Variants in MCM6 observed in about 807,000 individuals in gnomAD.
The protein encoded by MCM6 is DNA replication licensing factor MCM6.
In MCM6, 46 loss-of-function variants were observed where a neutral mutation model predicts 94.3. That is an observed-to-expected ratio of 0.49 (90% confidence interval 0.39 to 0.62). The LOEUF (loss-of-function observed/expected upper bound fraction) is 0.62. Ranked by LOEUF, MCM6 falls within the 20% of genes least tolerant of loss-of-function variation. The pLI is 0.00. For synonymous variants in MCM6, 335 were observed against 351.9 expected (o/e 0.95, Z 0.54); for missense variants, 865 against 1,017.9 (o/e 0.85, Z 2.04).
chr2:135,844,020 G>A (rs1464277329), intron 16 of MCM6, among the ~76,000 whole-genome samples: 1 of 151,740 alleles, frequency 6.6e-6, no homozygotes, highest in Non-Finnish European at 1.5e-5. Flanking sequence ...GAGACAGTAA[G>A]AACTGTCCAC....
At chr2:135,849,658 G>A (rs1053759436) in intron 13 of MCM6, among the ~76,000 whole-genome samples, 2 of 152,164 alleles carry the variant, frequency 1.3e-5, no homozygotes, top group African/African-American at 4.8e-5. Flanking sequence ...ACCAATGTAA[G>A]AGGAGCTGAT....
At chr2:135,843,475 G>A (rs909136258) in intron 16 of MCM6, among the ~76,000 whole-genome samples, 1 of 152,110 alleles carries the variant, frequency 6.6e-6, no homozygotes. Flanking sequence ...GCTCACGCCT[G>A]TAATCCCAGC....
In MCM6 at chr2:135,865,176, A is replaced by T. The variant is rs1450568969; in HGVS notation, c.928-13T>A. 2 of 1,466,860 alleles carry T rather than the reference A, an allele frequency of 1.4e-6. No homozygotes were observed. The highest frequency in any genetic ancestry group is 1.8e-6 in the Non-Finnish European group (2 of 1,107,812). The allele number at this position is 1,466,860 out of a possible 1,614,324, so 90.9% of individuals were successfully genotyped here. ...CTTTCCCCCCAAACTAATGGTAGAG[A>T]ACAAAGGAAGAATCATTAGTATAGA... On this transcript the variant is annotated splice_polypyrimidine_tract_variant and intron_variant, in intron 6 of 16. Coordinates refer to ENST00000264156, the MANE Select transcript of MCM6 (RefSeq NM_005915.6).
intron 13 of MCM6, among the ~76,000 whole-genome samples, chr2:135,850,438 C>T (rs117752672): frequency 3.9e-5 from 6 of 152,164 alleles, no homozygotes; most frequent in East Asian, 3.9e-4. Context: ...ATACATGTCT[C>T]GTTCCCACCA....
intron 9 of MCM6, 56 bp downstream of exon 9, chr2:135,859,245 T>G: frequency 1.4e-6 from 2 of 1,426,214 alleles, no homozygotes; most frequent in Non-Finnish European, 1.9e-6. Flanking sequence ...AGGCCTTTAC[T>G]GATAGGGTAG....
intron 16 of MCM6, 140 bp from the exon 17 acceptor site, chr2:135,841,091 C>T (rs750199101): frequency 5.9e-5 from 39 of 657,382 alleles, no homozygotes; most frequent in Non-Finnish European, 1.0e-4. Context: ...AGGAAAAGGA[C>T]CACACTTTAA....
intron 9 of MCM6, 63 bp downstream of exon 9, chr2:135,859,238 C>G: frequency 1.5e-6 from 2 of 1,315,712 alleles, no homozygotes; most frequent in Non-Finnish European, 1.1e-6. Flanking sequence ...AACTTATAGG[C>G]CTTTACTGAT....
chr2:135,858,173 C>CA (rs1476558668), intron 9 of MCM6, among the ~76,000 whole-genome samples, 169 bp from the exon 10 acceptor site: 21 of 152,046 alleles, frequency 1.4e-4, no homozygotes, highest in African/African-American at 5.1e-4. Context: ...GGTTAGGTGA[C>CA]AGAGTGAGAC....
Position 135,848,052 on chromosome 2 carries a change from C to A in MCM6, c.2053+1G>T. 1 of 1,606,588 alleles carries A rather than the reference C, an allele frequency of 6.2e-7. No homozygotes were observed. Among genetic ancestry groups the A allele is most frequent in the Non-Finnish European group, 8.5e-7 (1 of 1,174,166 alleles). On this transcript the variant is annotated splice_donor_variant, in intron 14 of 16. Transcript: ENST00000264156. LOFTEE classifies it high-confidence loss of function. ...AACAGTCACATGAACAAGTATCTCA[C>A]CATTGATGCCACCAGCACCCTCATC...
chr2:135,861,303 T>G (rs1679988719), intron 8 of MCM6, among the ~76,000 whole-genome samples: 1 of 152,072 alleles, frequency 6.6e-6, no homozygotes, highest in South Asian at 2.1e-4. Flanking sequence ...CGGTGTCACC[T>G]TTCACCTACA....
rs1389634262 is a variant in MCM6, at chr2:135,840,770, C to A, written c.*65G>T. ...ACTTCTGTCCCTAGCAGAGCTCCAG[C>A]CAGGCTCCAGGCCACGAGGTGCTGT... is the stretch of plus-strand genomic sequence containing the variant. On this transcript the variant is annotated 3_prime_UTR_variant, in exon 17 of 17. Coordinates refer to ENST00000264156, the MANE Select transcript of MCM6 (RefSeq NM_005915.6). 10 of 1,114,572 alleles carry A rather than the reference C, an allele frequency of 9.0e-6. No homozygotes were observed. The highest frequency in any genetic ancestry group is 1.4e-5 in the Non-Finnish European group (10 of 729,370). 69.0% of individuals were successfully genotyped at this position (1,114,572 alleles called of 1,614,324 possible). A position where few individuals can be genotyped will look rare whatever the true frequency, so the allele number is the denominator to read the frequency against.
chr2:135,844,954 A>G (rs556409455), intron 15 of MCM6, among the ~76,000 whole-genome samples: 2 of 152,344 alleles, frequency 1.3e-5, no homozygotes, highest in Middle Eastern at 6.8e-3. Flanking sequence ...TAAAGCTATT[A>G]AGATTTCAAA....
chr2:135,875,893 C>T (rs533250729), intron 1 of MCM6, among the ~76,000 whole-genome samples: 1 of 152,362 alleles, frequency 6.6e-6, no homozygotes, highest in East Asian at 1.9e-4. Context: ...GCCTCCCACT[C>T]GACCTGGCCG....
chr2:135,871,836 T>C (rs1381403290), intron 2 of MCM6, among the ~76,000 whole-genome samples: 1 of 152,220 alleles, frequency 6.6e-6, no homozygotes, highest in Non-Finnish European at 1.5e-5. Flanking sequence ...TGGAACTCTG[T>C]TGTAGCAGAT....
intron 1 of MCM6, among the ~76,000 whole-genome samples, chr2:135,873,723 T>C (rs955952700): frequency 6.6e-5 from 10 of 152,228 alleles, no homozygotes; most frequent in African/African-American, 2.4e-4. Flanking sequence ...TAACTAACAC[T>C]TTGTCTGCGT....
chr2:135,852,668 T>C, intron 12 of MCM6, 119 bp downstream of exon 12: 1 of 715,294 alleles, frequency 1.4e-6, no homozygotes, highest in Non-Finnish European at 2.0e-6. Context: ...AAAAAAAAGT[T>C]GTAAAATTTA....
chr2:135,859,072 G>GT, intron 9 of MCM6, among the ~76,000 whole-genome samples: 1 of 152,172 alleles, frequency 6.6e-6, no homozygotes, highest in East Asian at 1.9e-4. Flanking sequence ...TGTATTTTTA[G>GT]TAGAGAAAAT....
chr2:135,843,109 G>T (rs1209947315), intron 16 of MCM6, among the ~76,000 whole-genome samples: 1 of 152,186 alleles, frequency 6.6e-6, no homozygotes, highest in Non-Finnish European at 1.5e-5. Context: ...ACTGAAGCTG[G>T]GGGTCAGAGG....
chr2:135,863,723 T>TAACAAAACAAAACAA (rs55711144), intron 7 of MCM6, among the ~76,000 whole-genome samples: 8,158 of 147,100 alleles, frequency 0.055, 294 homozygotes, highest in Middle Eastern at 0.13. Flanking sequence ...AGTAAGACCC[T>TAACAAAACAAAACAA]AACAAAACAA....
Sources: allele counts gnomAD v4.1 joint callset (sites outside exome capture counted in the v4.1 genomes callset), GRCh38; gene constraint gnomAD v4.1.1; transcripts MANE v1.5; gene names NCBI Gene and HGNC (gene_info 2026-07-23, HGNC 2026-07-21).